The following USP15 variants were observed in gnomAD, a reference collection of about 807,000 sequenced individuals.
USP15 encodes the protein ubiquitin specific peptidase 15.
A neutral mutation model predicts 127.1 loss-of-function variants in USP15; 18 were observed. The observed-to-expected ratio is 0.14, with a 90% confidence interval of 0.10 to 0.21. The LOEUF (loss-of-function observed/expected upper bound fraction) is 0.21. Among genes scored for constraint, USP15 ranks in the 10% least tolerant of loss-of-function variants. The pLI is 1.00. For synonymous variants in USP15, 364 were observed against 393.7 expected, an observed-to-expected ratio of 0.92 and a Z score of 0.89; for missense variants, 805 against 1,159.9, an observed-to-expected ratio of 0.69 and a Z score of 4.44.
intron 1 of USP15, among the ~76,000 whole-genome samples, chr12:62,262,722 T>C (rs1406383726): frequency 1.3e-5 from 2 of 152,170 alleles, no homozygotes; most frequent in African/African-American, 4.8e-5. Flanking sequence ...CCCATGCTGA[T>C]CTTGAACTCC....
At chr12:62,331,499 T>C (rs2065299938) in intron 6 of USP15, among the ~76,000 whole-genome samples, 1 of 152,214 alleles carries the variant, frequency 6.6e-6, no homozygotes. Flanking sequence ...CCAAGGAATT[T>C]GCATTTTAAG....
At chr12:62,369,120 A>G (rs1009843746) in intron 8 of USP15, among the ~76,000 whole-genome samples, 2 of 152,230 alleles carry the variant, frequency 1.3e-5, no homozygotes, top group African/African-American at 4.8e-5. Context: ...TAAATAAGAT[A>G]TAATATGTTA....
intron 7 of USP15, among the ~76,000 whole-genome samples, chr12:62,350,071 A>G (rs1457919596): frequency 3.3e-5 from 5 of 151,698 alleles, no homozygotes; most frequent in African/African-American, 4.8e-5. Flanking sequence ...GAAAGTATTT[A>G]GATATTTGCA....
intron 2 of USP15, among the ~76,000 whole-genome samples, chr12:62,298,789 A>C (rs1460507347): frequency 6.9e-6 from 1 of 143,990 alleles, no homozygotes; most frequent in Non-Finnish European, 1.5e-5. Flanking sequence ...AGATTGTACC[A>C]CTGCACTCCA....
chr12:62,317,803 A>G (rs1451797693), intron 4 of USP15, among the ~76,000 whole-genome samples: 8 of 152,236 alleles, frequency 5.3e-5, no homozygotes, highest in African/African-American at 9.6e-5. Context: ...CATAGGCCAT[A>G]TCTAAATGAT....
chr12:62,309,084 A>G (rs1452268208), intron 3 of USP15, among the ~76,000 whole-genome samples: 2 of 152,256 alleles, frequency 1.3e-5, no homozygotes, highest in Non-Finnish European at 2.9e-5. Flanking sequence ...TATAATGTAG[A>G]CATTAACAAA....
intron 2 of USP15, among the ~76,000 whole-genome samples, chr12:62,295,924 A>T (rs954213380): frequency 1.6e-4 from 25 of 152,238 alleles, no homozygotes; most frequent in African/African-American, 6.0e-4. Flanking sequence ...TCTTGTGATT[A>T]TGTTATGTGG....
At chr12:62,307,492 G>T (rs2064520167) in intron 3 of USP15, among the ~76,000 whole-genome samples, 1 of 151,948 alleles carries the variant, frequency 6.6e-6, no homozygotes, top group South Asian at 2.1e-4. Context: ...TTTTATTTTG[G>T]GTGTATGGGG....
At chr12:62,349,981 T>C (rs2137424110) in intron 7 of USP15, among the ~76,000 whole-genome samples, 1 of 152,048 alleles carries the variant, frequency 6.6e-6, no homozygotes, top group Non-Finnish European at 1.5e-5. Flanking sequence ...TTAGCCCAAA[T>C]TGTGGGAAGA....
chr12:62,284,124 A>G (rs936736984), intron 1 of USP15, among the ~76,000 whole-genome samples: 1 of 152,196 alleles, frequency 6.6e-6, no homozygotes, highest in African/African-American at 2.4e-5. Flanking sequence ...AACCTGAATA[A>G]TGGAGAGATA....
chr12:62,287,995 T>A (rs931113212), intron 1 of USP15, among the ~76,000 whole-genome samples: 2 of 152,242 alleles, frequency 1.3e-5, no homozygotes, highest in African/African-American at 4.8e-5. Context: ...ACTATAACCT[T>A]GCAGTTTAAT....
intron 4 of USP15, among the ~76,000 whole-genome samples, chr12:62,315,686 A>G (rs1183896667): frequency 1.3e-5 from 2 of 152,200 alleles, no homozygotes; most frequent in Admixed American, 1.3e-4. Context: ...GCTTGGAAAC[A>G]GATTAGCCAA....
intron 6 of USP15, among the ~76,000 whole-genome samples, chr12:62,347,791 G>A (rs1053359202): frequency 3.9e-5 from 6 of 152,066 alleles, no homozygotes; most frequent in Admixed American, 6.6e-5. Flanking sequence ...AGAAGGGTAC[G>A]TAACTAGAAA....
chr12:62,279,991 T>C (rs1470683994), intron 1 of USP15, among the ~76,000 whole-genome samples: 2 of 152,182 alleles, frequency 1.3e-5, no homozygotes, highest in African/African-American at 4.8e-5. Flanking sequence ...TTTGACACTT[T>C]GTAACCTTGG....
intron 1 of USP15, among the ~76,000 whole-genome samples, chr12:62,288,765 C>T (rs553655997): frequency 6.6e-6 from 1 of 152,146 alleles, no homozygotes; most frequent in African/African-American, 2.4e-5. Context: ...AGATATGTTC[C>T]TTCTGTGCCT....
chr12:62,374,321 T>C (rs2066761051), intron 8 of USP15: 2 of 933,254 alleles, frequency 2.1e-6, no homozygotes, highest in Non-Finnish European at 2.6e-6. Flanking sequence ...TGATTAGTTA[T>C]AGAATGAGTT....
chr12:62,266,252 T>C (rs894911825), intron 1 of USP15, among the ~76,000 whole-genome samples: 1 of 152,234 alleles, frequency 6.6e-6, no homozygotes, highest in African/African-American at 2.4e-5. Context: ...AAGCATATAG[T>C]AAGATCTTGT....
At chr12:62,358,744 AAAT>A (rs1447016075) in intron 8 of USP15, among the ~76,000 whole-genome samples, 6 of 152,292 alleles carry the variant, frequency 3.9e-5, no homozygotes, top group African/African-American at 9.6e-5. Context: ...TGACAATTTA[AAAT>A]AATGTGAATT....
At chr12:62,402,167 A>G (rs968349725) in intron 21 of USP15, among the ~76,000 whole-genome samples, 19 of 151,868 alleles carry the variant, frequency 1.3e-4, no homozygotes, top group Non-Finnish European at 2.4e-4. Context: ...TTGTTTATAT[A>G]TAGTATACAA....
Sources: gnomAD v4.1 joint callset for allele counts (sites outside exome capture counted in the v4.1 genomes callset) on GRCh38, gnomAD v4.1.1 for gene constraint, MANE v1.5 for transcripts, NCBI Gene and HGNC (gene_info 2026-07-23, HGNC 2026-07-21) for gene names.